MGME1: variants seen among roughly 807,000 people sequenced by gnomAD.
The protein encoded by MGME1 is mitochondrial genome maintenance exonuclease 1.
MGME1 carries 22 observed loss-of-function variants against 33.0 expected under a neutral mutation model. The observed-to-expected ratio is 0.67, with a 90% CI of 0.48 to 0.95. MGME1 has a LOEUF of 0.95. MGME1 is among the 40% of genes least tolerant of loss of function. The probability of loss-of-function intolerance (pLI) is 0.00; values close to 1 mark genes in which losing one functional copy is unlikely to be tolerated. For missense variants in MGME1, 383 were observed against 397.8 expected (o/e 0.96, Z 0.32); for synonymous variants, 133 against 144.0 (o/e 0.92, Z 0.55).
chr20:17,981,056 CCTT>C (rs2036004661), intron 3 of MGME1, among the ~76,000 whole-genome samples: 1 of 152,100 alleles, frequency 6.6e-6, no homozygotes, highest in Non-Finnish European at 1.5e-5. Context: ...GGCACTACCT[CCTT>C]CTAGTCTGCC....
intron 3 of MGME1, among the ~76,000 whole-genome samples, chr20:17,982,123 T>C (rs1342895685): frequency 6.6e-6 from 1 of 152,148 alleles, no homozygotes; most frequent in Non-Finnish European, 1.5e-5. Flanking sequence ...CACAGATTCA[T>C]TTGTTTATTT....
At chr20:17,982,984 A>G (rs1387170956) in intron 3 of MGME1, among the ~76,000 whole-genome samples, 1 of 152,156 alleles carries the variant, frequency 6.6e-6, no homozygotes, top group Non-Finnish European at 1.5e-5. Context: ...CATGCTGTGC[A>G]ACAGATCACT....
Position 17,970,100 on chromosome 20 carries a change from C to T in MGME1, c.241C>T (p.Pro81Ser). 4.3e-6 allele frequency: 7 copies of T among 1,614,194 alleles called. No homozygotes were observed. The highest frequency in any genetic ancestry group is 5.9e-6 in the Non-Finnish European group (7 of 1,180,046). Residue 81 changes from proline to serine, a missense_variant, in exon 2 of 5, where the codon CCC becomes TCC. Coordinates refer to ENST00000377710, the MANE Select transcript of MGME1 (RefSeq NM_052865.4). Reference protein sequence around the residue: ...SVEEDALLCGPVSKHKLPNQG... With the variant: ...SVEEDALLCGSVSKHKLPNQG... ...GGAGGAAGATGCTTTGCTCTGTGGA[C>T]CCGTGAGCAAGCATAAGCTGCCAAA...
At chr20:17,973,994 CCT>C (rs2035792702) in intron 2 of MGME1, among the ~76,000 whole-genome samples, 1 of 151,590 alleles carries the variant, frequency 6.6e-6, no homozygotes, top group Admixed American at 6.6e-5. Context: ...AACAGTCCCC[CCT>C]CTTTCTCTCC....
rs1555791107 is a variant in MGME1, at chr20:17,983,267, T to TTGTGTGTGTGTGTGTGTGTG, written c.732-4883_732-4864dup. Among the ~76,000 whole-genome samples the TTGTGTGTGTGTGTGTGTGTG allele has an allele frequency of 2.6e-3, 368 of 142,664 alleles. 2 individuals are homozygous for TTGTGTGTGTGTGTGTGTGTG. The highest frequency in any genetic ancestry group is 9.0e-3 in the African/African-American group (342 of 38,202). The allele number at this position is 142,664 out of a possible 152,430, so 93.6% of individuals were successfully genotyped here. On this transcript the variant is annotated intron_variant, in intron 3 of 4. Coordinates refer to ENST00000377710, the MANE Select transcript of MGME1 (RefSeq NM_052865.4). ...TTTTTAAAGGCTATGTAGTGTTCTA[T>TTGTGTGTGTGTGTGTGTGTG]TGTGTGTGTGTGTGTGTGTGTGTGT...
chr20:17,982,506 C>T (rs1411213083), intron 3 of MGME1, among the ~76,000 whole-genome samples: 1 of 152,168 alleles, frequency 6.6e-6, no homozygotes, highest in Non-Finnish European at 1.5e-5. Context: ...CTTAAATCTC[C>T]CAGGCACTTG....
chr20:17,969,345 G>A (rs772392685), intron 1 of MGME1, among the ~76,000 whole-genome samples: 6 of 152,180 alleles, frequency 3.9e-5, no homozygotes, highest in African/African-American at 7.2e-5. Flanking sequence ...CCTCCAACCC[G>A]ATTTCCACGT....
Position 17,975,515 on chromosome 20 carries a change from C to T in MGME1, c.512-169C>T, listed in dbSNP as rs188885291. Among the ~76,000 whole-genome samples, 23 of 148,474 alleles carry T rather than the reference C, an allele frequency of 1.5e-4. No individual in the cohort carries two copies. The East Asian group carries it at 4.2e-3, about 27-fold the overall frequency. On this transcript the variant is annotated intron_variant, in intron 2 of 4. Transcript: ENST00000377710. ...GAGGTTGCAGTGAGCCAATATCGCC[C>T]ACTACACTCCAGCCTGGGCGACAGA...
chr20:17,974,061 G>GTGTTTTTTT (rs760926414), intron 2 of MGME1, among the ~76,000 whole-genome samples: 1 of 85,492 alleles, frequency 1.2e-5, no homozygotes, highest in Non-Finnish European at 2.4e-5. Flanking sequence ...CTCTTTGTGT[G>GTGTTTTTTT]TTTTTTTTTT....
At chr20:17,983,765 C>A (rs1405056363) in intron 3 of MGME1, among the ~76,000 whole-genome samples, 1 of 152,148 alleles carries the variant, frequency 6.6e-6, no homozygotes, top group Non-Finnish European at 1.5e-5. Context: ...ATTCATTGAG[C>A]TCCTTTGCCC....
At chr20:17,972,747 CA>C in intron 2 of MGME1, 1 of 985,272 alleles carries the variant, frequency 1.0e-6, no homozygotes, top group Non-Finnish European at 1.2e-6. Context: ...AGAACCTAGC[CA>C]GGGGTAAGTT....
intron 2 of MGME1, 76 bp from the exon 3 acceptor site, chr20:17,975,608 G>A (rs966407489): frequency 1.2e-5 from 13 of 1,046,798 alleles, no homozygotes; most frequent in Middle Eastern, 4.1e-4. Flanking sequence ...GTTTCAGGGC[G>A]TTTTAGAGTA....
At chr20:17,983,265 T>C (rs930450018) in intron 3 of MGME1, among the ~76,000 whole-genome samples, 3 of 73,694 alleles carry the variant, frequency 4.1e-5, no homozygotes, top group African/African-American at 1.1e-4. Flanking sequence ...TGTAGTGTTC[T>C]ATTGTGTGTG....
chr20:17,968,866 A>C (rs1235217715), upstream of MGME1: 1 of 171,864 alleles, frequency 5.8e-6, no homozygotes, highest in African/African-American at 2.4e-5. Context: ...TGACGTCACC[A>C]GATCTCGTGA....
Position 17,969,721 on chromosome 20 carries a change from T to C in MGME1, c.-59-80T>C, listed in dbSNP as rs927664154. The stretch of plus-strand genomic sequence containing the variant: ...CTTAAGAAAGGGCTCTGTCCAAACA[T>C]GTCGAAAAAGTTCACAATTTTGATG... On this transcript the variant is annotated intron_variant, in intron 1 of 4. Coordinates refer to ENST00000377710, the MANE Select transcript of MGME1 (RefSeq NM_052865.4). 7 of 876,334 alleles carry C rather than the reference T, an allele frequency of 8.0e-6. No individual in the cohort carries two copies. The African/African-American group carries it at 1.0e-4, about 13-fold the overall frequency. 54.3% of individuals were successfully genotyped at this position (876,334 alleles called of 1,614,324 possible). A position where few individuals can be genotyped will look rare whatever the true frequency, so the allele number is the denominator to read the frequency against.
intron 3 of MGME1, among the ~76,000 whole-genome samples, chr20:17,984,351 G>A (rs553293440): frequency 9.9e-5 from 15 of 152,146 alleles, no homozygotes; most frequent in African/African-American, 3.6e-4. Context: ...CTCAGTCAAC[G>A]ACAGACTACA....
intron 2 of MGME1, among the ~76,000 whole-genome samples, chr20:17,973,386 G>A (rs1188537582): frequency 6.6e-6 from 1 of 152,108 alleles, no homozygotes; most frequent in Admixed American, 6.5e-5. Flanking sequence ...AGTGGCTCAT[G>A]CCTGTAATCC....
intron 3 of MGME1, among the ~76,000 whole-genome samples, chr20:17,984,748 A>G (rs1442927682): frequency 6.6e-6 from 1 of 152,184 alleles, no homozygotes; most frequent in East Asian, 1.9e-4. Flanking sequence ...AGATATCAAA[A>G]AAGAGGCCGG....
chr20:17,976,607 A>G (rs552208810), intron 3 of MGME1, among the ~76,000 whole-genome samples: 5 of 152,298 alleles, frequency 3.3e-5, no homozygotes, highest in African/African-American at 9.6e-5. Flanking sequence ...AGTGCTTGAC[A>G]TGGATCAGAG....
Sources: allele counts gnomAD v4.1 joint callset (sites outside exome capture counted in the v4.1 genomes callset), GRCh38; gene constraint gnomAD v4.1.1; transcripts MANE v1.5; gene names NCBI Gene and HGNC (gene_info 2026-07-23, HGNC 2026-07-21).